Variants in TSPEAR observed in about 807,000 individuals in gnomAD.
TSPEAR encodes the protein thrombospondin-type laminin G domain and EAR repeat-containing protein.
Under a neutral mutation model 71.6 loss-of-function variants are expected in TSPEAR, and 69 were observed. The observed-to-expected ratio is 0.96, with a 90% confidence interval of 0.79 to 1.18. The LOEUF (loss-of-function observed/expected upper bound fraction) is 1.18. TSPEAR is among the 50% of genes most tolerant of loss of function. The pLI is 0.00. For missense variants in TSPEAR, 971 were observed against 894.9 expected (o/e 1.09, Z -1.09); for synonymous variants, 402 against 387.2 (o/e 1.04, Z -0.45).
intron 2 of TSPEAR, chr21:44,540,094 C>T (rs2053190025): frequency 1.9e-6 from 3 of 1,613,664 alleles, no homozygotes; most frequent in South Asian, 1.1e-5. Context: ...GGCAGGCATC[C>T]ACCTGCCAGG....
chr21:44,548,014 T>G (rs1555917922), intron 2 of TSPEAR, among the ~76,000 whole-genome samples: 2 of 152,244 alleles, frequency 1.3e-5, no homozygotes, highest in Admixed American at 6.5e-5. Context: ...CCTCCCAGGC[T>G]TTTTGGGCAT....
At chr21:44,579,771 C>G in intron 1 of TSPEAR, 1 of 1,611,078 alleles carries the variant, frequency 6.2e-7, no homozygotes, top group Middle Eastern at 1.7e-4. Flanking sequence ...CCTCAGCAGG[C>G]CAGGGGGGAG....
chr21:44,550,909 C>T, intron 2 of TSPEAR: 1 of 1,469,864 alleles, frequency 6.8e-7, no homozygotes, highest in South Asian at 1.3e-5. Flanking sequence ...CAGACGGACA[C>T]ACAGCAGGAC....
rs782608087 is a variant in TSPEAR at position 44,514,959 on chromosome 21, A to C, written c.1567-5573T>G. On this transcript the variant is annotated intron_variant, in intron 9 of 11. Transcript: ENST00000323084. ...GTACTTAACCTGCAGTGCCCTGGGA[A>C]TGCGCCCACCCTGTGTTTCTGGGAG... Among the ~76,000 whole-genome samples the C allele has an allele frequency of 4.3e-4, 66 of 152,090 alleles. 1 individual carries two copies. Among genetic ancestry groups the C allele is most frequent in the Non-Finnish European group, 8.4e-4 (57 of 68,004 alleles).
intron 1 of TSPEAR, chr21:44,579,685 C>A: frequency 6.5e-7 from 1 of 1,546,056 alleles, no homozygotes; most frequent in Non-Finnish European, 8.7e-7. Flanking sequence ...CGGGGGCAAC[C>A]TCCTAACCCG....
chr21:44,665,244 C>T (rs782371630), intron 1 of TSPEAR, among the ~76,000 whole-genome samples: 4 of 152,208 alleles, frequency 2.6e-5, no homozygotes, highest in Admixed American at 6.5e-5. Context: ...CAACACTTGC[C>T]TCCAAGGCAA....
intron 1 of TSPEAR, chr21:44,677,536 G>A (rs782584421): frequency 1.0e-4 from 85 of 836,092 alleles, no homozygotes; most frequent in African/African-American, 3.0e-4. Context: ...TCACATGGTC[G>A]TTCCCTTATA....
At chr21:44,560,092 C>T (rs1422540264) in intron 2 of TSPEAR, among the ~76,000 whole-genome samples, 1 of 152,134 alleles carries the variant, frequency 6.6e-6, no homozygotes, top group Non-Finnish European at 1.5e-5. Context: ...GGAGACCCAT[C>T]TCACTTGCAA....
intron 1 of TSPEAR, chr21:44,677,954 G>T: frequency 1.5e-6 from 2 of 1,335,354 alleles, no homozygotes; most frequent in Non-Finnish European, 2.1e-6. Context: ...CAGCAATGTT[G>T]CCAGTAGTCA....
chr21:44,521,708 G>A (rs587722721), intron 9 of TSPEAR, among the ~76,000 whole-genome samples, 175 bp downstream of exon 9: 33 of 152,356 alleles, frequency 2.2e-4, no homozygotes, highest in African/African-American at 7.0e-4. Flanking sequence ...CGCCAGGCAA[G>A]GATCCTGTGC....
At chr21:44,568,299 A>G (rs1477732770) in intron 1 of TSPEAR, among the ~76,000 whole-genome samples, 2 of 152,192 alleles carry the variant, frequency 1.3e-5, no homozygotes, top group Non-Finnish European at 2.9e-5. Flanking sequence ...GTCGGCAGCC[A>G]GGCACTGTGC....
chr21:44,695,394 T>C lies in TSPEAR; in HGVS notation c.82+16039A>G, dbSNP rs1456518924. 6.6e-6 allele frequency among the ~76,000 whole-genome samples: 1 copy of C among 152,078 alleles called. No homozygotes were observed. The highest frequency in any genetic ancestry group is 2.1e-4 in the South Asian group (1 of 4,828). On this transcript the variant is annotated intron_variant, in intron 1 of 11. Coordinates refer to ENST00000323084, the MANE Select transcript of TSPEAR (RefSeq NM_144991.3). The surrounding 1 kb of genome is among the most constrained non-coding windows in gnomAD (Gnocchi z 4.5). Reference sequence around the variant, plus strand: ...TACTGAGAGGTCGGGGGTCGGGTCATGACACACAGCAGGAAATGAATGCAC... The same window carrying C: ...TACTGAGAGGTCGGGGGTCGGGTCACGACACACAGCAGGAAATGAATGCAC...
At chr21:44,584,624 C>T (rs1979222193) in intron 1 of TSPEAR, among the ~76,000 whole-genome samples, 1 of 152,156 alleles carries the variant, frequency 6.6e-6, no homozygotes, top group Non-Finnish European at 1.5e-5. Flanking sequence ...CTCTCTCTCT[C>T]ACACACAATT....
intron 9 of TSPEAR, 127 bp from the exon 10 acceptor site, chr21:44,509,513 G>GC (rs2052300494): frequency 1.7e-6 from 1 of 580,298 alleles, no homozygotes; most frequent in East Asian, 2.9e-5. Context: ...GTGTGGGGGA[G>GC]GGGGCGCAGA....
intron 1 of TSPEAR, among the ~76,000 whole-genome samples, chr21:44,631,412 T>C (rs948067584): frequency 1.3e-5 from 2 of 152,168 alleles, no homozygotes; most frequent in African/African-American, 4.8e-5. Context: ...TACTCCAGTC[T>C]GAAGGGCATA....
At chr21:44,706,427 A>G (rs571613482) in intron 1 of TSPEAR, among the ~76,000 whole-genome samples, 200 of 151,018 alleles carry the variant, frequency 1.3e-3, no homozygotes, top group African/African-American at 3.6e-3. Context: ...ACACGCGCGC[A>G]CACACCCACG....
chr21:44,636,154 C>G, intron 1 of TSPEAR, among the ~76,000 whole-genome samples: 1 of 152,198 alleles, frequency 6.6e-6, no homozygotes, highest in East Asian at 1.9e-4. Context: ...CCCAATGATT[C>G]CTTCAGGGCT....
chr21:44,557,592 C>G (rs2053553668), intron 2 of TSPEAR, among the ~76,000 whole-genome samples: 1 of 152,124 alleles, frequency 6.6e-6, no homozygotes, highest in African/African-American at 2.4e-5. Flanking sequence ...AGAAGCACCC[C>G]CGGGGCCTGG....
At chr21:44,628,534 C>T (rs1163029946) in intron 1 of TSPEAR, among the ~76,000 whole-genome samples, 4 of 152,022 alleles carry the variant, frequency 2.6e-5, no homozygotes, top group East Asian at 1.9e-4. Context: ...CTGTCCACCT[C>T]GTGGCACGTT....
Sources: gnomAD v4.1 joint callset for allele counts (sites outside exome capture counted in the v4.1 genomes callset) on GRCh38, gnomAD v4.1.1 for gene constraint, Gnocchi (gnomAD v3.1) non-coding constraint, MANE v1.5 for transcripts, NCBI Gene and HGNC (gene_info 2026-07-23, HGNC 2026-07-21) for gene names.